Variants in NLGN4Y observed in about 807,000 individuals in gnomAD.
NLGN4Y encodes the protein neuroligin-4, Y-linked.
NLGN4Y carries 4 observed loss-of-function variants against 8.4 expected under a neutral mutation model. The ratio of observed to expected loss-of-function variants is 0.48; its 90% CI spans 0.23 to 1.09. NLGN4Y has a LOEUF of 1.09. Ranked by LOEUF, NLGN4Y falls within the 50% of genes least tolerant of loss-of-function variation. NLGN4Y has a pLI of 0.19. For synonymous variants in NLGN4Y, 35 were observed against 75.6 expected (o/e 0.46, Z 2.78); for missense variants, 90 against 192.3 (o/e 0.47, Z 3.15).
chrY:14,844,346 A>T lies in NLGN4Y; in HGVS notation c.*3084A>T, dbSNP rs868346541. 5 of 42,330 alleles carry T rather than the reference A, an allele frequency of 1.2e-4. No homozygotes were observed. The highest frequency in any genetic ancestry group is 5.7e-4 in the African/African-American group (5 of 8,799). 10.6% of individuals were successfully genotyped at this position (42,330 alleles called of 400,897 possible). On this transcript the variant is annotated 3_prime_UTR_variant, in exon 7 of 7. Transcript: ENST00000684976. Reference sequence around the variant, plus strand: ...GTGAGTAAACCTTCTAGTGACAGTAAGAAATTCTACTGAATGAAACTCCAG... The same window carrying T: ...GTGAGTAAACCTTCTAGTGACAGTATGAAATTCTACTGAATGAAACTCCAG...
intron 1 of NLGN4Y, among the ~76,000 whole-genome samples, chrY:14,556,192 T>C: frequency 3.0e-5 from 1 of 32,874 alleles, no homozygotes; most frequent in African/African-American, 1.2e-4. Flanking sequence ...AATAGGATAT[T>C]ATTTAAATGA....
chrY:14,578,174 T>C (rs2080304954), intron 1 of NLGN4Y, among the ~76,000 whole-genome samples: 39 of 31,728 alleles, frequency 1.2e-3, no homozygotes, highest in African/African-American at 4.8e-3. Context: ...TGTATACATA[T>C]GTAACAATCC....
intron 1 of NLGN4Y, among the ~76,000 whole-genome samples, chrY:14,583,980 G>A: frequency 3.0e-5 from 1 of 32,948 alleles, no homozygotes; most frequent in African/African-American, 1.2e-4. Context: ...GCGCAGATGT[G>A]GCCTCTGGGG....
intron 4 of NLGN4Y, among the ~76,000 whole-genome samples, chrY:14,723,950 G>C (rs895089147): frequency 6.6e-4 from 22 of 33,237 alleles, no homozygotes; most frequent in Non-Finnish European, 5.2e-4. Flanking sequence ...TCAGGGTAAA[G>C]GTTTTAATAC....
At chrY:14,750,577 T>C (rs2081038617) in intron 4 of NLGN4Y, among the ~76,000 whole-genome samples, 1 of 33,281 alleles carries the variant, frequency 3.0e-5, no homozygotes, top group African/African-American at 1.2e-4. Context: ...TAGTTTTTAA[T>C]GATATTTTCA....
chrY:14,629,485 C>T, intron 2 of NLGN4Y, among the ~76,000 whole-genome samples: 1 of 33,302 alleles, frequency 3.0e-5, no homozygotes, highest in Non-Finnish European at 7.4e-5. Context: ...CTGCAAAAGT[C>T]GAGAAATCAG....
intron 1 of NLGN4Y, among the ~76,000 whole-genome samples, chrY:14,554,697 T>C: frequency 3.0e-5 from 1 of 33,679 alleles, no homozygotes; most frequent in Non-Finnish European, 7.3e-5. Flanking sequence ...CAGGCATTTA[T>C]TTGTTGCTTT....
intron 4 of NLGN4Y, among the ~76,000 whole-genome samples, chrY:14,747,993 T>A (rs762563872): frequency 5.9e-5 from 2 of 33,716 alleles, no homozygotes; most frequent in East Asian, 7.9e-4. Flanking sequence ...TTATTCCTTA[T>A]CAGGTCCAGC....
intron 1 of NLGN4Y, among the ~76,000 whole-genome samples, chrY:14,582,912 G>C (rs2080325003): frequency 2.9e-5 from 1 of 33,974 alleles, no homozygotes; most frequent in Non-Finnish European, 7.3e-5. Context: ...GAAGTTGTGG[G>C]CAGAACTTAG....
At chrY:14,560,160 C>T in intron 1 of NLGN4Y, among the ~76,000 whole-genome samples, 1 of 32,885 alleles carries the variant, frequency 3.0e-5, no homozygotes, top group Non-Finnish European at 7.5e-5. Context: ...GCTTCGTTTT[C>T]TTCTTTGTAA....
intron 2 of NLGN4Y, among the ~76,000 whole-genome samples, chrY:14,667,387 T>C: frequency 3.1e-5 from 1 of 31,936 alleles, no homozygotes; most frequent in Non-Finnish European, 7.6e-5. Flanking sequence ...AGATGAAAGA[T>C]GAAGTTGGAA....
chrY:14,578,309 G>C, intron 1 of NLGN4Y, among the ~76,000 whole-genome samples: 1 of 32,345 alleles, frequency 3.1e-5, no homozygotes, highest in Non-Finnish European at 7.5e-5. Flanking sequence ...ACAACATCAG[G>C]GTTCATCACA....
At chrY:14,826,010 C>T (rs1037262326) in intron 5 of NLGN4Y, among the ~76,000 whole-genome samples, 8 of 33,537 alleles carry the variant, frequency 2.4e-4, no homozygotes, top group Non-Finnish European at 5.9e-4. Flanking sequence ...AATGCAATTC[C>T]CTGATGCTAA....
At chrY:14,807,220 CCTTT>C (rs2043060839) in intron 4 of NLGN4Y, among the ~76,000 whole-genome samples, 18 of 32,572 alleles carry the variant, frequency 5.5e-4, no homozygotes, top group African/African-American at 2.1e-3. Context: ...TCTTCAATAA[CCTTT>C]CTATTAATGA....
At chrY:14,605,235 T>C (rs759229308) in intron 1 of NLGN4Y, among the ~76,000 whole-genome samples, 2 of 33,021 alleles carry the variant, frequency 6.1e-5, no homozygotes, top group East Asian at 1.6e-3. Context: ...TTCCCACTTA[T>C]AAGTGAGAAC....
At chrY:14,543,341 C>G (rs2080157410) in intron 1 of NLGN4Y, among the ~76,000 whole-genome samples, 1 of 34,133 alleles carries the variant, frequency 2.9e-5, no homozygotes, top group Non-Finnish European at 7.3e-5. Flanking sequence ...TTTTACATTT[C>G]TTTTAACTGA....
chrY:14,589,504 T>G (rs1364177840), intron 1 of NLGN4Y, among the ~76,000 whole-genome samples: 1 of 32,145 alleles, frequency 3.1e-5, no homozygotes, highest in Non-Finnish European at 7.6e-5. Flanking sequence ...TCACAAACCT[T>G]GAGCTAAACA....
chrY:14,826,338 C>CT (rs1219462661), intron 5 of NLGN4Y, among the ~76,000 whole-genome samples: 823 of 21,994 alleles, frequency 0.037, no homozygotes, highest in African/African-American at 0.13. Context: ...TCTTTCTTTT[C>CT]TTTTTTTTTT....
chrY:14,738,063 G>A (rs2080995407), intron 4 of NLGN4Y, among the ~76,000 whole-genome samples: 1 of 32,279 alleles, frequency 3.1e-5, no homozygotes, highest in African/African-American at 1.2e-4. Flanking sequence ...TGGCCTTTTT[G>A]TGATGGCTTT....
Sources: allele counts gnomAD v4.1 joint callset (sites outside exome capture counted in the v4.1 genomes callset), GRCh38; gene constraint gnomAD v4.1.1; transcripts MANE v1.5; gene names NCBI Gene and HGNC (gene_info 2026-07-23, HGNC 2026-07-21).